The following UBE2D3 variants were observed in gnomAD, a reference collection of about 807,000 sequenced individuals.
UBE2D3 encodes ubiquitin-conjugating enzyme E2 D3.
A neutral mutation model predicts 22.8 loss-of-function variants in UBE2D3; 2 were observed. The ratio of observed to expected loss-of-function variants is 0.09; its 90% CI spans 0.04 to 0.28. UBE2D3 has a LOEUF of 0.28. UBE2D3 is among the 10% of genes least tolerant of loss of function. UBE2D3 has a pLI of 1.00. For missense variants in UBE2D3, 27 were observed against 182.5 expected, an observed-to-expected ratio of 0.15 and a Z score of 4.91; for synonymous variants, 56 against 60.4, an observed-to-expected ratio of 0.93 and a Z score of 0.34.
intron 6 of UBE2D3, 119 bp downstream of exon 6, chr4:102,801,335 T>C: frequency 2.6e-6 from 2 of 781,836 alleles, no homozygotes; most frequent in South Asian, 3.9e-5. Context: ...TAAAAGTAAC[T>C]TTATTGCTTC....
chr4:102,828,199 C>G (rs1730880934), upstream of UBE2D3: 1 of 985,272 alleles, frequency 1.0e-6, no homozygotes, highest in South Asian at 4.7e-5. Context: ...AGAGCGCGCG[C>G]AGACACAGCC....
At chr4:102,846,866 A>C (rs1424430926) in intron 1 of UBE2D3, among the ~76,000 whole-genome samples, 2 of 150,924 alleles carry the variant, frequency 1.3e-5, no homozygotes, top group Non-Finnish European at 3.0e-5. Flanking sequence ...CTAGTCTTGA[A>C]CTCCTGGGCT....
At chr4:102,803,667 T>C (rs1726558743) in intron 4 of UBE2D3, among the ~76,000 whole-genome samples, 1 of 152,346 alleles carries the variant, frequency 6.6e-6, no homozygotes, top group Non-Finnish European at 1.5e-5. Flanking sequence ...AATGAAATGT[T>C]ATAGGTATCA....
chr4:102,829,682 A>T (rs757361182), upstream of UBE2D3, among the ~76,000 whole-genome samples: 7 of 152,238 alleles, frequency 4.6e-5, no homozygotes, highest in Non-Finnish European at 1.0e-4. Context: ...CCACGCCTGT[A>T]ATCCCAGCAC....
At chr4:102,823,030 T>A (rs561060550) in intron 2 of UBE2D3, among the ~76,000 whole-genome samples, 1 of 152,356 alleles carries the variant, frequency 6.6e-6, no homozygotes, top group Non-Finnish European at 1.5e-5. Context: ...ACTAGTTGTG[T>A]GACTAGACGA....
At chr4:102,826,675 C>A in intron 1 of UBE2D3, 39 bp from the exon 2 acceptor site, 1 of 1,506,834 alleles carries the variant, frequency 6.6e-7, no homozygotes, top group Admixed American at 2.4e-5. Context: ...TCGCACAGGC[C>A]CCGAAGAGCC....
chr4:102,836,580 G>A (rs1046495647), intron 1 of UBE2D3, among the ~76,000 whole-genome samples: 3 of 152,186 alleles, frequency 2.0e-5, no homozygotes, highest in Non-Finnish European at 4.4e-5. Flanking sequence ...GTAGATATGT[G>A]TTTAACTTTT....
intron 2 of UBE2D3, among the ~76,000 whole-genome samples, chr4:102,817,357 A>T (rs1187813520): frequency 6.6e-6 from 1 of 152,244 alleles, no homozygotes; most frequent in African/African-American, 2.4e-5. Context: ...TAGCAGTCGT[A>T]CACCACAAGT....
At chr4:102,802,417 C>A in intron 5 of UBE2D3, 144 bp downstream of exon 5, 1 of 556,164 alleles carries the variant, frequency 1.8e-6, no homozygotes. Flanking sequence ...CTCTTTAAAC[C>A]AAAGGTTAAG....
intron 2 of UBE2D3, among the ~76,000 whole-genome samples, chr4:102,820,181 G>C (rs1729373037): frequency 6.6e-6 from 1 of 152,190 alleles, no homozygotes. Flanking sequence ...CCATCAGGCA[G>C]ACAGTAACTA....
At chr4:102,836,179 C>T (rs898645043) in intron 1 of UBE2D3, among the ~76,000 whole-genome samples, 1 of 132,248 alleles carries the variant, frequency 7.6e-6, no homozygotes, top group African/African-American at 2.9e-5. Flanking sequence ...CTGAGTCTCA[C>T]TCTGTCACCC....
rs564886154 is a variant in UBE2D3, at chr4:102,823,744, T to C, written c.24+2741A>G. ...TCAAATAAAGAATACAGGAAAAAAG[T>C]TGATTGGTCTAACAGTCAAAAAACT... On this transcript the variant is annotated intron_variant, in intron 2 of 7. Transcript: ENST00000453744. 3.9e-5 allele frequency among the ~76,000 whole-genome samples: 6 copies of C among 152,276 alleles called. No homozygotes were observed. The East Asian group carries it at 7.7e-4, about 20-fold the overall frequency.
Position 102,802,753 on chromosome 4 carries a change from CAATA to C in UBE2D3, c.121-119_121-116del, listed in dbSNP as rs545950438. 87 of 648,198 alleles carry C rather than the reference CAATA, an allele frequency of 1.3e-4. No individual in the cohort carries two copies. In the African/African-American group the frequency reaches 1.4e-3, roughly 10 times the overall value. The allele number at this position is 648,198 out of a possible 1,614,324, so 40.2% of individuals were successfully genotyped here. A position where few individuals can be genotyped will look rare whatever the true frequency, so the allele number is the denominator to read the frequency against. On this transcript the variant is annotated intron_variant, in intron 4 of 7. Coordinates refer to ENST00000453744, the MANE Select transcript of UBE2D3 (RefSeq NM_181891.3). Reference sequence around the variant, plus strand: ...GAACCCAAATCACCTATTTACACTGCAATAAATAATCTATTCCATGAAAATTCAG... The same window carrying C: ...GAACCCAAATCACCTATTTACACTGCAATAATCTATTCCATGAAAATTCAG...
At chr4:102,820,314 A>G (rs1023875972) in intron 2 of UBE2D3, among the ~76,000 whole-genome samples, 1 of 152,234 alleles carries the variant, frequency 6.6e-6, no homozygotes, top group Admixed American at 6.5e-5. Flanking sequence ...CTTCAGAAAC[A>G]TGGTTATTTC....
chr4:102,838,807 CAAAAAAAAA>C (rs145975514), intron 1 of UBE2D3, among the ~76,000 whole-genome samples: 20 of 54,324 alleles, frequency 3.7e-4, no homozygotes, highest in South Asian at 1.6e-3. Context: ...CTGTGCTGGG[CAAAAAAAAA>C]AAAAAAAAAA....
chr4:102,829,237 C>G (rs1369991271), upstream of UBE2D3, among the ~76,000 whole-genome samples: 1 of 152,152 alleles, frequency 6.6e-6, no homozygotes, highest in African/African-American at 2.4e-5. Context: ...ACAGATTTTT[C>G]TCGTCTGAAC....
At chr4:102,809,389 C>T (rs1727593216) in intron 4 of UBE2D3, 1 of 397,072 alleles carries the variant, frequency 2.5e-6, no homozygotes, top group Non-Finnish European at 4.7e-6. Context: ...CATGACAATG[C>T]TTTACACAGT....
intron 4 of UBE2D3, among the ~76,000 whole-genome samples, chr4:102,807,504 AT>A (rs1727251345): frequency 6.6e-6 from 1 of 152,180 alleles, no homozygotes; most frequent in Non-Finnish European, 1.5e-5. Flanking sequence ...CTGAAAACAT[AT>A]TTCAGTGAGT....
At chr4:102,866,908 A>G (rs1368016673) in intron 1 of UBE2D3, among the ~76,000 whole-genome samples, 2 of 152,192 alleles carry the variant, frequency 1.3e-5, no homozygotes, top group Admixed American at 6.5e-5. Context: ...GAGATTAAAG[A>G]TAACAGTTAA....
Sources: allele counts gnomAD v4.1 joint callset (sites outside exome capture counted in the v4.1 genomes callset), GRCh38; gene constraint gnomAD v4.1.1; transcripts MANE v1.5; gene names NCBI Gene and HGNC (gene_info 2026-07-23, HGNC 2026-07-21).